TANC2: variants seen among roughly 807,000 people sequenced by gnomAD.
The protein encoded by TANC2 is tetratricopeptide repeat, ankyrin repeat and coiled-coil containing 2, also known as protein TANC2.
A neutral mutation model predicts 210.5 loss-of-function variants in TANC2; 26 were observed. That is an observed-to-expected ratio of 0.12 (90% CI 0.09 to 0.17). The LOEUF (loss-of-function observed/expected upper bound fraction) is 0.17. Ranked by LOEUF, TANC2 falls within the 10% of genes least tolerant of loss-of-function variation. TANC2 has a pLI of 1.00. For missense variants in TANC2, 2,129 were observed against 2,608.9 expected (o/e 0.82, Z 4.01); for synonymous variants, 931 against 967.1 (o/e 0.96, Z 0.69).
At chr17:62,967,843 AAG>A (rs1555738662) in intron 1 of TANC2, among the ~76,000 whole-genome samples, 4 of 151,932 alleles carry the variant, frequency 2.6e-5, no homozygotes, top group African/African-American at 7.3e-5. Flanking sequence ...AAAAAAAAAA[AAG>A]AATACAGTAA....
chr17:63,269,009 T>A (rs1357641252), intron 9 of TANC2, among the ~76,000 whole-genome samples: 3 of 152,178 alleles, frequency 2.0e-5, no homozygotes, highest in Non-Finnish European at 4.4e-5. Flanking sequence ...GCTCTCCTCT[T>A]CACCCCTTGT....
At chr17:63,170,930 A>G (rs747499190) in intron 5 of TANC2, among the ~76,000 whole-genome samples, 6 of 152,134 alleles carry the variant, frequency 3.9e-5, no homozygotes, top group Non-Finnish European at 8.8e-5. Context: ...ACTACGCATG[A>G]TACTGAATTG....
chr17:62,979,554 T>C (rs1161940833), intron 1 of TANC2, among the ~76,000 whole-genome samples: 3 of 152,146 alleles, frequency 2.0e-5, no homozygotes, highest in Non-Finnish European at 4.4e-5. Flanking sequence ...TGTGGCTGGG[T>C]TTAGGAAAGC....
chr17:63,218,884 G>C (rs1302427346), intron 7 of TANC2, among the ~76,000 whole-genome samples: 2 of 151,820 alleles, frequency 1.3e-5, no homozygotes, highest in African/African-American at 4.8e-5. Flanking sequence ...ACAAGAGCGA[G>C]ACTCCATCTC....
intron 4 of TANC2, among the ~76,000 whole-genome samples, chr17:63,113,836 A>G (rs535834723): frequency 2.0e-5 from 3 of 152,268 alleles, no homozygotes; most frequent in South Asian, 4.1e-4. Context: ...AGAATTGTCT[A>G]TGTGGTATTA....
rs1055255702 is a variant in TANC2 at position 63,352,777 on chromosome 17, A to G, written c.1974+1361A>G. The stretch of plus-strand genomic sequence containing the variant: ...TATAGGTTTTAGAAAATGAGCCTTC[A>G]TTTATATTTGATCATCATTATTTCC... On this transcript the variant is annotated intron_variant, in intron 13 of 27. Coordinates refer to ENST00000689528, the Ensembl canonical transcript of TANC2. Among the ~76,000 whole-genome samples the G allele has an allele frequency of 5.3e-5, 8 of 152,164 alleles. No individual in the cohort carries two copies. In the South Asian group the frequency reaches 1.7e-3, roughly 31 times the overall value.
At chr17:63,068,112 C>G (rs1055704155) in intron 2 of TANC2, among the ~76,000 whole-genome samples, 1 of 152,068 alleles carries the variant, frequency 6.6e-6, no homozygotes, top group Non-Finnish European at 1.5e-5. Flanking sequence ...ATTTGAATGA[C>G]TGTAGATTTC....
At chr17:63,296,518 C>T (rs2044541238) in intron 9 of TANC2, among the ~76,000 whole-genome samples, 1 of 152,144 alleles carries the variant, frequency 6.6e-6, no homozygotes, top group Admixed American at 6.6e-5. Context: ...ACAAGGCATA[C>T]ACAGAAATAG....
chr17:63,139,485 G>A (rs1567756433), intron 4 of TANC2, among the ~76,000 whole-genome samples: 1 of 152,050 alleles, frequency 6.6e-6, no homozygotes, highest in Non-Finnish European at 1.5e-5. Flanking sequence ...AAAATTAATC[G>A]GGCTTGGTGG....
intron 11 of TANC2, among the ~76,000 whole-genome samples, chr17:63,337,717 C>G (rs2046081872): frequency 6.6e-6 from 1 of 151,836 alleles, no homozygotes; most frequent in Non-Finnish European, 1.5e-5. Context: ...ATTTCATCAC[C>G]CGGGCATTAA....
intron 2 of TANC2, among the ~76,000 whole-genome samples, chr17:63,018,387 A>G (rs1199877036): frequency 6.6e-6 from 1 of 151,754 alleles, no homozygotes; most frequent in Non-Finnish European, 1.5e-5. Flanking sequence ...AGGCTGAGAG[A>G]GGAGAATTGC....
At chr17:63,246,244 T>C (rs2042916305) in intron 8 of TANC2, among the ~76,000 whole-genome samples, 1 of 29,844 alleles carries the variant, frequency 3.4e-5, no homozygotes, top group Admixed American at 2.3e-4. Flanking sequence ...TGGCCAGAAC[T>C]TTTTTTTTTG....
intron 9 of TANC2, among the ~76,000 whole-genome samples, chr17:63,290,553 C>A (rs932753251): frequency 6.6e-6 from 1 of 152,174 alleles, no homozygotes; most frequent in African/African-American, 2.4e-5. Flanking sequence ...CCTGGAAATG[C>A]TTTCAAGGCA....
intron 4 of TANC2, among the ~76,000 whole-genome samples, chr17:63,101,376 T>C (rs2037614520): frequency 6.6e-6 from 1 of 152,208 alleles, no homozygotes; most frequent in Non-Finnish European, 1.5e-5. Flanking sequence ...TTTCTCCATT[T>C]CCATACATTC....
At chr17:63,017,603 T>G (rs906861633) in intron 2 of TANC2, among the ~76,000 whole-genome samples, 2 of 152,168 alleles carry the variant, frequency 1.3e-5, no homozygotes, top group Non-Finnish European at 2.9e-5. Context: ...TTTCTTTATC[T>G]CCAGGTTTCC....
At chr17:63,100,312 G>A (rs144720264) in intron 4 of TANC2, among the ~76,000 whole-genome samples, 95 of 151,972 alleles carry the variant, frequency 6.3e-4, no homozygotes, top group African/African-American at 2.2e-3. Flanking sequence ...TAAAATAATA[G>A]CATTTCTTCT....
chr17:62,992,471 T>C (rs976557852), intron 1 of TANC2, among the ~76,000 whole-genome samples: 10 of 152,234 alleles, frequency 6.6e-5, no homozygotes, highest in African/African-American at 2.4e-4. Flanking sequence ...ATAATGAGTA[T>C]ACTATTAGTC....
chr17:63,148,861 A>G (rs1375474942), intron 4 of TANC2: 1 of 152,116 alleles, frequency 6.6e-6, no homozygotes, highest in Non-Finnish European at 1.5e-5. Flanking sequence ...TTCTCCACCA[A>G]GCAATATTAT....
chr17:62,988,738 G>T (rs1264752986), intron 1 of TANC2, among the ~76,000 whole-genome samples: 1 of 152,158 alleles, frequency 6.6e-6, no homozygotes, highest in Non-Finnish European at 1.5e-5. Context: ...ATAATAAGAT[G>T]ATTCTCACCG....
Sources: gnomAD v4.1 joint callset for allele counts (sites outside exome capture counted in the v4.1 genomes callset) on GRCh38, gnomAD v4.1.1 for gene constraint, MANE v1.5 for transcripts, NCBI Gene and HGNC (gene_info 2026-07-23, HGNC 2026-07-21) for gene names.